SHISA9: variants seen among roughly 807,000 people sequenced by gnomAD.
SHISA9 encodes the protein shisa family member 9, also known as protein shisa-9.
Under a neutral mutation model 38.0 loss-of-function variants are expected in SHISA9, and 13 were observed. The observed-to-expected ratio is 0.34, with a 90% CI of 0.22 to 0.54. The LOEUF (loss-of-function observed/expected upper bound fraction) is 0.54. Among genes scored for constraint, SHISA9 ranks in the 20% least tolerant of loss-of-function variants. SHISA9 has a pLI of 0.91. For synonymous variants in SHISA9, 275 were observed against 242.0 expected (o/e 1.14, Z -1.27); for missense variants, 538 against 575.8 (o/e 0.93, Z 0.67).
At chr16:12,957,655 G>C (rs931383801) in intron 2 of SHISA9, among the ~76,000 whole-genome samples, 64 of 152,232 alleles carry the variant, frequency 4.2e-4, no homozygotes, top group African/African-American at 1.4e-3. Context: ...TGAATTTGGG[G>C]GGAGGTACAT....
intron 2 of SHISA9, among the ~76,000 whole-genome samples, chr16:13,021,676 A>G (rs12599554): frequency 0.091 from 13,806 of 152,258 alleles, 732 homozygotes; most frequent in East Asian, 0.13. Context: ...AACTCAGCAT[A>G]ACTTTATTTC....
At chr16:13,416,789 A>G in the SHISA9 span, among the ~76,000 whole-genome samples, 8,061 of 78,326 alleles carry the variant, frequency 0.1, 325 homozygotes, top group East Asian at 0.29. Flanking sequence ...GGAAGGAAGG[A>G]AGGGAAGGAA....
the SHISA9 span, among the ~76,000 whole-genome samples, chr16:13,392,811 T>C: frequency 2.0e-5 from 3 of 152,128 alleles, no homozygotes; most frequent in African/African-American, 7.2e-5. Flanking sequence ...TCTATTAATA[T>C]AAACCAAGGA....
the SHISA9 span, among the ~76,000 whole-genome samples, chr16:13,422,906 C>T: frequency 1.3e-5 from 2 of 152,130 alleles, no homozygotes; most frequent in African/African-American, 4.8e-5. Context: ...AGCTAAGATT[C>T]CTCCTAACTC....
At chr16:13,310,677 T>C in the SHISA9 span, among the ~76,000 whole-genome samples, 2 of 150,598 alleles carry the variant, frequency 1.3e-5, no homozygotes, top group Non-Finnish European at 2.9e-5. Flanking sequence ...TGTCATTGAT[T>C]TTTATGCTTT....
the SHISA9 span, among the ~76,000 whole-genome samples, chr16:13,476,707 T>C: frequency 6.6e-6 from 1 of 151,570 alleles, no homozygotes; most frequent in East Asian, 1.9e-4. Flanking sequence ...GACTGAATTT[T>C]GTCATTCAGC....
chr16:13,150,050 A>C (rs1340950563), intron 2 of SHISA9, among the ~76,000 whole-genome samples: 2 of 150,168 alleles, frequency 1.3e-5, no homozygotes. Flanking sequence ...AAAAAAAAAA[A>C]AAAAACTAGC....
intron 2 of SHISA9, among the ~76,000 whole-genome samples, chr16:12,920,925 T>A (rs74702616): frequency 0.011 from 1,615 of 152,296 alleles, 31 homozygotes; most frequent in African/African-American, 0.036. Flanking sequence ...TGCATAATGA[T>A]GTGGTAAAGA....
At chr16:13,541,559 TTGAAGA>T in the SHISA9 span, among the ~76,000 whole-genome samples, 12 of 152,330 alleles carry the variant, frequency 7.9e-5, no homozygotes, top group Non-Finnish European at 1.6e-4. Flanking sequence ...GTGCAAGGAA[TTGAAGA>T]CCTCAACATT....
At chr16:13,377,168 G>A in the SHISA9 span, among the ~76,000 whole-genome samples, 1 of 152,324 alleles carries the variant, frequency 6.6e-6, no homozygotes, top group East Asian at 1.9e-4. Context: ...TGCCTTGGAT[G>A]GTCAGAGAAT....
intron 2 of SHISA9, among the ~76,000 whole-genome samples, chr16:13,183,921 A>G (rs1252936972): frequency 6.6e-6 from 1 of 151,930 alleles, no homozygotes; most frequent in Non-Finnish European, 1.5e-5. Context: ...ACTCTGCTGG[A>G]TTTGTTAGCA....
chr16:13,347,455 T>C, the SHISA9 span, among the ~76,000 whole-genome samples: 1 of 152,156 alleles, frequency 6.6e-6, no homozygotes, highest in Non-Finnish European at 1.5e-5. Context: ...AGTACCCACA[T>C]AGGCTCACAG....
At chr16:13,440,699 C>T in the SHISA9 span, among the ~76,000 whole-genome samples, 20 of 152,122 alleles carry the variant, frequency 1.3e-4, no homozygotes, top group Non-Finnish European at 2.4e-4. Flanking sequence ...GAGGCCGAGG[C>T]GGGCGGATCA....
chr16:13,286,519 G>C, the SHISA9 span, among the ~76,000 whole-genome samples: 1 of 152,074 alleles, frequency 6.6e-6, no homozygotes, highest in Non-Finnish European at 1.5e-5. Context: ...TGAACCAATT[G>C]TCTGGGCAAA....
intron 2 of SHISA9, among the ~76,000 whole-genome samples, chr16:13,148,225 C>G (rs1347896600): frequency 6.6e-6 from 1 of 152,076 alleles, no homozygotes; most frequent in East Asian, 1.9e-4. Flanking sequence ...TCCCACATGT[C>G]CCCGCACACC....
the SHISA9 span, among the ~76,000 whole-genome samples, chr16:13,436,831 G>A: frequency 6.6e-6 from 1 of 152,188 alleles, no homozygotes; most frequent in Non-Finnish European, 1.5e-5. Flanking sequence ...ATTTGCTAGT[G>A]GGAGTTTTTA....
the SHISA9 span, among the ~76,000 whole-genome samples, chr16:13,553,157 A>G: frequency 1.3e-5 from 2 of 152,180 alleles, no homozygotes; most frequent in African/African-American, 4.8e-5. Context: ...AACACCTGCT[A>G]TGTGCCAAGC....
intron 2 of SHISA9, among the ~76,000 whole-genome samples, chr16:12,950,485 G>A (rs377395942): frequency 1.3e-5 from 2 of 152,210 alleles, no homozygotes; most frequent in African/African-American, 4.8e-5. Context: ...AGCAGATGCT[G>A]GTGAGGATGT....
chr16:13,068,802 T>C (rs1438027078), intron 2 of SHISA9, among the ~76,000 whole-genome samples: 1 of 152,214 alleles, frequency 6.6e-6, no homozygotes. Flanking sequence ...TGCATATATG[T>C]GTGTACATGC....
Sources: allele counts gnomAD v4.1 joint callset (sites outside exome capture counted in the v4.1 genomes callset), GRCh38; gene constraint gnomAD v4.1.1; transcripts MANE v1.5; gene names NCBI Gene and HGNC (gene_info 2026-07-23, HGNC 2026-07-21).